Variants in PCDHA2 observed in about 807,000 individuals in gnomAD.
PCDHA2 encodes protocadherin alpha-2.
A neutral mutation model predicts 66.0 loss-of-function variants in PCDHA2; 58 were observed. The ratio of observed to expected loss-of-function variants is 0.88; its 90% CI spans 0.71 to 1.09. The LOEUF is 1.09. Ranked by LOEUF, PCDHA2 falls within the 50% of genes least tolerant of loss-of-function variation. The probability of loss-of-function intolerance (pLI) is 0.00; values close to 1 mark genes in which losing one functional copy is unlikely to be tolerated. For synonymous variants in PCDHA2, 634 were observed against 554.0 expected (o/e 1.14, Z -2.03); for missense variants, 1,267 against 1,242.3 (o/e 1.02, Z -0.30).
chr5:140,829,948 C>T (rs1770701254), intron 1 of PCDHA2: 1 of 1,613,996 alleles, frequency 6.2e-7, no homozygotes, highest in Non-Finnish European at 8.5e-7. Flanking sequence ...GCAGCGCTCG[C>T]TTCCCGTTTC....
intron 1 of PCDHA2, chr5:140,856,501 T>C (rs781967300): frequency 6.3e-7 from 1 of 1,598,302 alleles, no homozygotes; most frequent in Admixed American, 1.7e-5. Flanking sequence ...ACTCTCGATT[T>C]CCACTAGAAG....
intron 1 of PCDHA2, chr5:140,830,562 T>G (rs1411985813): frequency 4.0e-6 from 4 of 990,432 alleles, no homozygotes; most frequent in Admixed American, 6.9e-5. Context: ...GTCTTCTATA[T>G]TTCTGTTTTT....
chr5:140,895,968 G>T lies in PCDHA2; in HGVS notation c.2389-82981G>T, dbSNP rs190056652. 4.1e-3 allele frequency among the ~76,000 whole-genome samples: 628 copies of T among 152,052 alleles called. 2 individuals are homozygous for T. Among genetic ancestry groups the T allele is most frequent in the Middle Eastern group, 6.8e-3 (2 of 294 alleles). On this transcript the variant is annotated intron_variant, in intron 1 of 3. Coordinates refer to ENST00000526136, the MANE Select transcript of PCDHA2 (RefSeq NM_018905.3). ...TGGGATTACAGGTGCCTGTCACCAG[G>T]CCTAGCTAATTTTTGTATTTTAAGT... is the stretch of plus-strand genomic sequence containing the variant.
At chr5:140,841,786 G>C in intron 1 of PCDHA2, 1 of 1,613,902 alleles carries the variant, frequency 6.2e-7, no homozygotes, top group Non-Finnish European at 8.5e-7. Context: ...TTCCGCTAGA[G>C]GGCGCGTCCG....
intron 1 of PCDHA2, chr5:140,823,748 T>A (rs2150128798): frequency 1.9e-6 from 3 of 1,613,836 alleles, no homozygotes. Context: ...GAGCCCCCGC[T>A]GACAGCCACA....
intron 1 of PCDHA2, among the ~76,000 whole-genome samples, chr5:140,932,493 T>A (rs148938081): frequency 6.6e-6 from 1 of 152,006 alleles, no homozygotes; most frequent in East Asian, 1.9e-4. Context: ...CTTTGCAATG[T>A]CATTTGTTAA....
At chr5:140,808,530 T>G in intron 1 of PCDHA2, 1 of 1,614,148 alleles carries the variant, frequency 6.2e-7, no homozygotes, top group East Asian at 2.2e-5. Flanking sequence ...GTGGCTGATG[T>G]GAACGACAAC....
At chr5:140,952,104 C>T (rs1009516552) in intron 1 of PCDHA2, among the ~76,000 whole-genome samples, 3 of 152,102 alleles carry the variant, frequency 2.0e-5, no homozygotes, top group South Asian at 2.1e-4. Flanking sequence ...AGGGCACACT[C>T]GTGTGAGGGA....
At chr5:140,838,280 A>T (rs1252322835) in intron 1 of PCDHA2, among the ~76,000 whole-genome samples, 4 of 139,572 alleles carry the variant, frequency 2.9e-5, no homozygotes, top group Non-Finnish European at 4.6e-5. Flanking sequence ...AGCCATGCTA[A>T]TTTTTTTTTT....
intron 1 of PCDHA2, chr5:140,859,028 T>C (rs1281709317): frequency 6.6e-6 from 1 of 150,998 alleles, no homozygotes; most frequent in Non-Finnish European, 1.5e-5. Flanking sequence ...AGTTAAATGC[T>C]TTGAACTTTA....
chr5:140,864,502 C>A (rs989482807), intron 1 of PCDHA2: 2 of 152,088 alleles, frequency 1.3e-5, no homozygotes, highest in African/African-American at 4.8e-5. Context: ...TTTAGCCTTG[C>A]CTTTAAAGGT....
In PCDHA2 at chr5:141,012,013, G is replaced by A. The variant is rs181445737; in HGVS notation, c.*2076G>A. 25 of 153,796 alleles carry A rather than the reference G, an allele frequency of 1.6e-4. No homozygotes were observed. The highest frequency in any genetic ancestry group is 2.1e-4 in the South Asian group (1 of 4,818). 9.5% of individuals were successfully genotyped at this position (153,796 alleles called of 1,614,324 possible). A position where few individuals can be genotyped will look rare whatever the true frequency, so the allele number is the denominator to read the frequency against. ...CATTCTCCCATATTTTGAAGGGTGTGTAACTTCAGCTCTGCAGGATTGCAT... is the reference window on the plus strand; with the variant it reads ...CATTCTCCCATATTTTGAAGGGTGTATAACTTCAGCTCTGCAGGATTGCAT... On this transcript the variant is annotated 3_prime_UTR_variant, in exon 4 of 4. Transcript: ENST00000526136.
At chr5:140,850,839 T>A in intron 1 of PCDHA2, 1 of 1,597,606 alleles carries the variant, frequency 6.3e-7, no homozygotes, top group Non-Finnish European at 8.6e-7. Context: ...TTGTGCTGGA[T>A]CTACAGAGCG....
In PCDHA2 at chr5:140,846,169, C is replaced by A. The variant is rs2150385280; in HGVS notation, c.2388+48817C>A. On this transcript the variant is annotated intron_variant, in intron 1 of 3. Coordinates refer to ENST00000526136, the MANE Select transcript of PCDHA2 (RefSeq NM_018905.3). ...AAAGTTGCCTGAGATCCTGCAGAGG[C>A]CTGAGTAGGCGTTTGAGTTCTTTGT... Among the ~76,000 whole-genome samples the A allele has an allele frequency of 6.7e-5, 10 of 149,346 alleles. 2 individuals carry two copies. Among genetic ancestry groups the A allele is most frequent in the Admixed American group, 1.3e-4 (2 of 14,894 alleles).
At chr5:140,854,065 G>T in intron 1 of PCDHA2, 1 of 276,218 alleles carries the variant, frequency 3.6e-6, no homozygotes, top group Non-Finnish European at 5.5e-6. Context: ...AGGAGGCTGA[G>T]GCGAGAGAAT....
At position 140,928,189 on chromosome 5, in the gene PCDHA2, G is replaced by GTGA. The variant is rs1321549982; in HGVS notation, c.2389-50758_2389-50757insATG. On this transcript the variant is annotated intron_variant, in intron 1 of 3. Transcript: ENST00000526136. The stretch of plus-strand genomic sequence containing the variant: ...ACTTAGCACCCGAAGGACAATCACT[G>GTGA]TGTCAGTTGCTGATGTGAATGACAA... 5 of 1,614,096 alleles carry GTGA rather than the reference G, an allele frequency of 3.1e-6. No homozygotes were observed. In the East Asian group the frequency reaches 8.9e-5, roughly 29 times the overall value.
intron 1 of PCDHA2, among the ~76,000 whole-genome samples, chr5:140,945,740 C>A (rs966678098): frequency 5.9e-5 from 9 of 151,998 alleles, no homozygotes; most frequent in African/African-American, 2.2e-4. Flanking sequence ...AAAAGGACAG[C>A]CTCTTCAATA....
chr5:140,869,332 G>A, intron 1 of PCDHA2: 3 of 1,613,960 alleles, frequency 1.9e-6, no homozygotes, highest in Middle Eastern at 1.7e-4. Flanking sequence ...CCTTCTGGAG[G>A]TAAATCTGCA....
chr5:140,939,560 T>C (rs2153641939), intron 1 of PCDHA2, among the ~76,000 whole-genome samples: 1 of 151,934 alleles, frequency 6.6e-6, no homozygotes, highest in African/African-American at 2.4e-5. Flanking sequence ...TGTATTAGTT[T>C]GGTTAATCAA....
Sources: allele counts gnomAD v4.1 joint callset (sites outside exome capture counted in the v4.1 genomes callset), GRCh38; gene constraint gnomAD v4.1.1; transcripts MANE v1.5; gene names NCBI Gene and HGNC (gene_info 2026-07-23, HGNC 2026-07-21).